EDC4: variants seen among roughly 807,000 people sequenced by gnomAD.
EDC4 encodes the protein enhancer of mRNA-decapping protein 4.
In EDC4, 64 loss-of-function variants were observed where a neutral mutation model predicts 155.8. The ratio of observed to expected loss-of-function variants is 0.41; its 90% CI spans 0.34 to 0.51. The LOEUF (loss-of-function observed/expected upper bound fraction) is 0.51, where lower values mean the gene tolerates loss of function less well. EDC4 is among the 20% of genes least tolerant of loss of function. EDC4 has a pLI of 0.19. For synonymous variants in EDC4, 684 were observed against 716.8 expected, an observed-to-expected ratio of 0.95 and a Z score of 0.73; for missense variants, 1,303 against 1,812.5, an observed-to-expected ratio of 0.72 and a Z score of 5.10.
chr16:67,876,159 G>A lies in EDC4; in HGVS notation c.239+58G>A. Reference sequence around the variant, plus strand: ...GGTGTATTTGGGGTGTCTGCTAGCTGAAGGCATGAGATGGGGAGTGAGCGG... The same window carrying A: ...GGTGTATTTGGGGTGTCTGCTAGCTAAAGGCATGAGATGGGGAGTGAGCGG... On this transcript the variant is annotated intron_variant, in intron 2 of 28. Coordinates refer to ENST00000358933, the MANE Select transcript of EDC4 (RefSeq NM_014329.5). This position sits in a 1 kb window ranked among gnomAD's most constrained non-coding sequence, Gnocchi z 5.8. The A allele has an allele frequency of 6.4e-7, 1 of 1,557,490 alleles. No individual in the cohort carries two copies. The highest frequency in any genetic ancestry group is 8.8e-7 in the Non-Finnish European group (1 of 1,134,104).
At position 67,883,755 on chromosome 16, in the gene EDC4, G is replaced by T; in HGVS notation, c.4013+24G>T. On this transcript the variant is annotated intron_variant, in intron 28 of 28. Coordinates refer to ENST00000358933, the MANE Select transcript of EDC4 (RefSeq NM_014329.5). This position sits in a 1 kb window ranked among gnomAD's most constrained non-coding sequence, Gnocchi z 5.3. ...AGGTAAGTGGGGACAGCCAGGGATG[G>T]GGAGATGAGCTGGGGAGTGGGGCAG... 1 of 1,612,684 alleles carries T rather than the reference G, an allele frequency of 6.2e-7. No homozygotes were observed. Among genetic ancestry groups the T allele is most frequent in the Non-Finnish European group, 8.5e-7 (1 of 1,179,130 alleles).
At position 67,883,160 on chromosome 16, in the gene EDC4, A is replaced by C. The variant is rs2058077661; in HGVS notation, c.3832A>C (p.Asn1278His). ...GCAGCTGCTGCAGCAGGGCCACCTCAATCAGGCCTTCCAGCAGGTACGATA... is the reference window on the plus strand; with the variant it reads ...GCAGCTGCTGCAGCAGGGCCACCTCCATCAGGCCTTCCAGCAGGTACGATA... ...ILQLLQQGHLNQAFQQALTAA... is the reference protein window; with the variant it reads ...ILQLLQQGHLHQAFQQALTAA... The change falls in exon 27 of 29, where the codon AAT (asparagine) becomes CAT (histidine). Residue 1278 changes from asparagine (N) to histidine (H), a missense_variant. Around this residue, in one of 5 missense-constraint regions of EDC4, gnomAD observed 527 missense variants for 757.0 expected, o/e 0.70. Transcript: ENST00000358933. This position sits in a 1 kb window ranked among gnomAD's most constrained non-coding sequence, Gnocchi z 5.3. 1 of 1,588,124 alleles carries C rather than the reference A, an allele frequency of 6.3e-7. No individual in the cohort carries two copies.
Position 67,880,174 on chromosome 16 carries a change from C to A in EDC4, c.2055C>A (p.Leu685=). The part of the protein sequence containing the change: ...ASPRGLLPGL[L]PAPADKLTPK... ...CGCGTGGCCTCCTGCCTGGCCTGCT[C>A]CCAGCCCCAGCTGACAAACTGACTC... is the stretch of plus-strand genomic sequence containing the variant. Residue 685 remains leucine (L), a synonymous_variant, in exon 17 of 29, where the codon CTC becomes CTA. Coordinates refer to ENST00000358933, the MANE Select transcript of EDC4 (RefSeq NM_014329.5). The surrounding 1 kb of genome is among the most constrained non-coding windows in gnomAD (Gnocchi z 5.2). The A allele has an allele frequency of 6.2e-7, 1 of 1,611,768 alleles. No individual in the cohort carries two copies. The highest frequency in any genetic ancestry group is 8.5e-7 in the Non-Finnish European group (1 of 1,179,286).
Position 67,880,025 on chromosome 16 carries a change from A to C in EDC4, c.1944-38A>C, listed in dbSNP as rs2058059092. 3.1e-6 allele frequency: 5 copies of C among 1,588,334 alleles called. 1 individual carries two copies. In the East Asian group the frequency reaches 1.1e-4, roughly 36 times the overall value. On this transcript the variant is annotated intron_variant, in intron 16 of 28. Coordinates refer to ENST00000358933, the MANE Select transcript of EDC4 (RefSeq NM_014329.5). The surrounding 1 kb of genome is among the most constrained non-coding windows in gnomAD (Gnocchi z 5.2). ...GCAGGGGCTGGTACCAGATGATGCC[A>C]AGCTCTGGCTGCTGACACCTCAGCC... is the stretch of plus-strand genomic sequence containing the variant.
At position 67,873,270 on chromosome 16, in the gene EDC4, C is replaced by T; in HGVS notation, c.9C>T (p.Ser3=). The change falls in exon 1 of 29, where the codon TCC becomes TCT. Residue 3 remains serine (S), a synonymous_variant. Coordinates refer to ENST00000358933, the MANE Select transcript of EDC4 (RefSeq NM_014329.5). The stretch of plus-strand genomic sequence containing the variant: ...CGCCCGCCGCAGGGCCCATGGCCTC[C>T]TGCGCGAGCATCGACATCGAGGACG... MA[S]CASIDIEDAT... The T allele has an allele frequency of 6.8e-7, 1 of 1,468,464 alleles. No homozygotes were observed. The highest frequency in any genetic ancestry group is 9.0e-7 in the Non-Finnish European group (1 of 1,114,402). The allele number at this position is 1,468,464 out of a possible 1,614,324, so 91.0% of individuals were successfully genotyped here. A position where few individuals can be genotyped will look rare whatever the true frequency, so the allele number is the denominator to read the frequency against.
chr16:67,879,957 C>T lies in EDC4; in HGVS notation c.1929C>T (p.Asp643=). The change falls in exon 16 of 29, where the codon GAC becomes GAT. Residue 643 remains aspartate (D), a synonymous_variant. Transcript: ENST00000358933. The surrounding 1 kb of genome is among the most constrained non-coding windows in gnomAD (Gnocchi z 6.0). ...VSAMSSTSAV[D]PSLTRPPEEL... is the part of the protein sequence containing the mutation. Reference sequence around the variant, plus strand: ...CCATGAGCAGCACCTCAGCTGTGGACCCCTCCTTGACCAGGTGAGGCAAGG... The same window carrying T: ...CCATGAGCAGCACCTCAGCTGTGGATCCCTCCTTGACCAGGTGAGGCAAGG... The T allele has an allele frequency of 6.2e-7, 1 of 1,610,554 alleles. No individual in the cohort carries two copies. The highest frequency in any genetic ancestry group is 8.5e-7 in the Non-Finnish European group (1 of 1,177,606).
chr16:67,883,842 C>A lies in EDC4; in HGVS notation c.4013+111C>A. ...CCTGAATCCTCTCCCTAATTTTCTC[C>A]ACCAGTCCTTTCTGCCTTCACCCAG... On this transcript the variant is annotated intron_variant, in intron 28 of 28. Coordinates refer to ENST00000358933, the MANE Select transcript of EDC4 (RefSeq NM_014329.5). The surrounding 1 kb of genome is among the most constrained non-coding windows in gnomAD (Gnocchi z 5.3). 6.5e-7 allele frequency: 1 copy of A among 1,540,774 alleles called. No homozygotes were observed. Among genetic ancestry groups the A allele is most frequent in the Non-Finnish European group, 8.8e-7 (1 of 1,135,552 alleles).
At position 67,880,100 on chromosome 16, in the gene EDC4, C is replaced by G. The variant is rs755670559; in HGVS notation, c.1981C>G (p.Leu661Val). 26 of 1,611,662 alleles carry G rather than the reference C, an allele frequency of 1.6e-5. No individual in the cohort carries two copies. Among genetic ancestry groups the G allele is most frequent in the Non-Finnish European group, 1.9e-5 (22 of 1,178,710 alleles). Residue 661 changes from leucine to valine, a missense_variant, in exon 17 of 29, where the codon CTG becomes GTG. Leu to Val is a conservative substitution (Grantham distance 32). Around this residue, in one of 5 missense-constraint regions of EDC4, gnomAD observed 391 missense variants for 445.4 expected, o/e 0.88. Transcript: ENST00000358933. This position sits in a 1 kb window ranked among gnomAD's most constrained non-coding sequence, Gnocchi z 5.2. ...EELTLSPKLQ[L>V]DGSLTMSSSG... The stretch of plus-strand genomic sequence containing the variant: ...GCTGACCTTGAGCCCCAAGCTGCAG[C>G]TGGATGGCAGCCTGACAATGAGCAG...
In EDC4 at chr16:67,882,479, G is replaced by A. The variant is rs762846743; in HGVS notation, c.3327G>A (p.Pro1109=). Residue 1109 remains proline (P), a synonymous_variant, in exon 25 of 29, where the codon CCG becomes CCA. Coordinates refer to ENST00000358933, the MANE Select transcript of EDC4 (RefSeq NM_014329.5). This position sits in a 1 kb window ranked among gnomAD's most constrained non-coding sequence, Gnocchi z 7.2. ...CAGCTGCAGACACATTACAAGGGCC[G>A]ATGCAGGCTGCCTACCGGGAAGCCT... ...ARAAADTLQG[P]MQAAYREAFQ... The A allele has an allele frequency of 5.6e-6, 9 of 1,614,220 alleles. No individual in the cohort carries two copies. The East Asian group carries it at 8.9e-5, about 16-fold the overall frequency.
Position 67,876,656 on chromosome 16 carries a change from A to G in EDC4, c.351+57A>G. 1.3e-6 allele frequency: 2 copies of G among 1,599,392 alleles called. No homozygotes were observed. ...GTACGGGGGCACACCCAGCCTTTCC[A>G]GTCTCCCTCATGCTGCCAGTTCCTA... is the stretch of plus-strand genomic sequence containing the variant. On this transcript the variant is annotated intron_variant, in intron 3 of 28. Transcript: ENST00000358933. The surrounding 1 kb of genome is among the most constrained non-coding windows in gnomAD (Gnocchi z 5.8).
Position 67,880,270 on chromosome 16 carries a change from G to C in EDC4, c.2097+54G>C. 6.5e-7 allele frequency: 1 copy of C among 1,542,568 alleles called. No homozygotes were observed. On this transcript the variant is annotated intron_variant, in intron 17 of 28. Coordinates refer to ENST00000358933, the MANE Select transcript of EDC4 (RefSeq NM_014329.5). This position sits in a 1 kb window ranked among gnomAD's most constrained non-coding sequence, Gnocchi z 5.2. ...TGGGGAGCAGGTGGGCAGCAGCAGGGAAGGTGGGTGGTGGGCTCCTCCCAG... is the reference window on the plus strand; with the variant it reads ...TGGGGAGCAGGTGGGCAGCAGCAGGCAAGGTGGGTGGTGGGCTCCTCCCAG...
Position 67,883,482 on chromosome 16 carries a change from C to A in EDC4, c.3850-86C>A. ...AGCTCTCACTAGCCCACCCTGTGGT[C>A]ATCCTCCCCCAGGCCACACAGTTCA... is the stretch of plus-strand genomic sequence containing the variant. On this transcript the variant is annotated intron_variant, in intron 27 of 28. Coordinates refer to ENST00000358933, the MANE Select transcript of EDC4 (RefSeq NM_014329.5). The surrounding 1 kb of genome is among the most constrained non-coding windows in gnomAD (Gnocchi z 5.3). 6.4e-7 allele frequency: 1 copy of A among 1,558,128 alleles called. No homozygotes were observed. Among genetic ancestry groups the A allele is most frequent in the Non-Finnish European group, 8.7e-7 (1 of 1,150,488 alleles).
At position 67,882,566 on chromosome 16, in the gene EDC4, T is replaced by C. The variant is rs2058073476; in HGVS notation, c.3414T>C (p.Asn1138=). Reference sequence around the variant, plus strand: ...GCCAGGCCATGTTCCAGCAAATCAATGATAGCTTCCGGCTGGGGACACAGG... The same window carrying C: ...GCCAGGCCATGTTCCAGCAAATCAACGATAGCTTCCGGCTGGGGACACAGG... ...KSCQAMFQQI[N]DSFRLGTQEY... The change falls in exon 25 of 29, where the codon AAT becomes AAC. Residue 1138 remains asparagine (N), a synonymous_variant. Transcript: ENST00000358933. The surrounding 1 kb of genome is among the most constrained non-coding windows in gnomAD (Gnocchi z 7.2). 1 of 1,614,186 alleles carries C rather than the reference T, an allele frequency of 6.2e-7. No homozygotes were observed. Among genetic ancestry groups the C allele is most frequent in the Non-Finnish European group, 8.5e-7 (1 of 1,180,026 alleles).
chr16:67,882,524 G>A lies in EDC4; in HGVS notation c.3372G>A (p.Pro1124=), dbSNP rs759987311. The A allele has an allele frequency of 7.4e-6, 12 of 1,614,098 alleles. No individual in the cohort carries two copies. The highest frequency in any genetic ancestry group is 6.7e-5 in the Admixed American group (4 of 60,014). ...YREAFQSVVL[P]AFEKSCQAMF... is the part of the protein sequence containing the mutation. ...AAGCCTTCCAGAGTGTGGTGCTGCC[G>A]GCCTTTGAGAAGAGCTGCCAGGCCA... Residue 1124 remains proline, a synonymous_variant, in exon 25 of 29, where the codon CCG becomes CCA. Transcript: ENST00000358933. This position sits in a 1 kb window ranked among gnomAD's most constrained non-coding sequence, Gnocchi z 7.2.
In EDC4 at chr16:67,881,259, CCA is replaced by C. The variant is rs758539361; in HGVS notation, c.2637-3_2637-2del. 4 of 1,614,032 alleles carry C rather than the reference CCA, an allele frequency of 2.5e-6. No homozygotes were observed. The Admixed American group carries it at 6.7e-5, about 27-fold the overall frequency. ...AGGGGCTTACTCCTCCTTCCCCTTC[CCA>C]CAGTGACCATGATGATGAGGTGGCC... On this transcript the variant is annotated splice_polypyrimidine_tract_variant and splice_region_variant and intron_variant, in intron 19 of 28. Coordinates refer to ENST00000358933, the MANE Select transcript of EDC4 (RefSeq NM_014329.5). The surrounding 1 kb of genome is among the most constrained non-coding windows in gnomAD (Gnocchi z 5.4).
chr16:67,877,271 G>A lies in EDC4; in HGVS notation c.506G>A (p.Arg169Gln). Residue 169 changes from arginine (R) to glutamine (Q), a missense_variant, in exon 5 of 29, where the codon CGG becomes CAG. Transcript: ENST00000358933. The surrounding 1 kb of genome is among the most constrained non-coding windows in gnomAD (Gnocchi z 4.9). ...GTGATCAGCGTCAGCACTTCGGAGC[G>A]GACCTTGCTCAAGGGCTTCACAGGC... ...VRVISVSTSE[R>Q]TLLKGFTGSV... 5.6e-6 allele frequency: 9 copies of A among 1,614,180 alleles called. No homozygotes were observed. Among genetic ancestry groups the A allele is most frequent in the East Asian group, 2.2e-5 (1 of 44,884 alleles).
chr16:67,882,317 T>C lies in EDC4; in HGVS notation c.3266T>C (p.Leu1089Pro). 1 of 1,613,606 alleles carries C rather than the reference T, an allele frequency of 6.2e-7. No individual in the cohort carries two copies. The highest frequency in any genetic ancestry group is 8.5e-7 in the Non-Finnish European group (1 of 1,179,752). The change falls in exon 24 of 29, where the codon CTC (leucine) becomes CCC (proline). Residue 1089 changes from leucine (L) to proline (P), a missense_variant. Around this residue, in one of 5 missense-constraint regions of EDC4, gnomAD observed 527 missense variants for 757.0 expected, o/e 0.70. Coordinates refer to ENST00000358933, the MANE Select transcript of EDC4 (RefSeq NM_014329.5). The surrounding 1 kb of genome is among the most constrained non-coding windows in gnomAD (Gnocchi z 7.2). ...ATGAAAGAGAACATCTCCAAGCTGC[T>C]CAAGTCCAAGGTGCTATAGGGCCCA... ...GSMKENISKL[L>P]KSKNLTDAIA...
chr16:67,884,346 T>C lies in EDC4; in HGVS notation c.*198T>C, dbSNP rs902606375. The C allele has an allele frequency of 3.5e-6, 2 of 575,330 alleles. No homozygotes were observed. The highest frequency in any genetic ancestry group is 3.0e-6 in the Non-Finnish European group (1 of 331,772). 35.6% of individuals were successfully genotyped at this position (575,330 alleles called of 1,614,324 possible). A position where few individuals can be genotyped will look rare whatever the true frequency, so the allele number is the denominator to read the frequency against. The stretch of plus-strand genomic sequence containing the variant: ...GGTTTAGCTGGGCCCAGGGCAGGTA[T>C]TGCGCCTGCTTGGGTTCTGCCATGC... On this transcript the variant is annotated 3_prime_UTR_variant, in exon 29 of 29. Coordinates refer to ENST00000358933, the MANE Select transcript of EDC4 (RefSeq NM_014329.5). The surrounding 1 kb of genome is among the most constrained non-coding windows in gnomAD (Gnocchi z 4.1).
chr16:67,878,306 C>A lies in EDC4; in HGVS notation c.1004+31C>A. ...GCAGGGCCTCAGGGACCAGGATCCT[C>A]CCGAGGTAGCCCACCCGACCACTCA... is the stretch of plus-strand genomic sequence containing the variant. On this transcript the variant is annotated intron_variant, in intron 8 of 28. Coordinates refer to ENST00000358933, the MANE Select transcript of EDC4 (RefSeq NM_014329.5). This position sits in a 1 kb window ranked among gnomAD's most constrained non-coding sequence, Gnocchi z 5.2. 9.3e-6 allele frequency: 15 copies of A among 1,614,196 alleles called. No individual in the cohort carries two copies. In the African/African-American group the frequency reaches 9.3e-5, roughly 10 times the overall value.
Sources: allele counts gnomAD v4.1 joint callset, GRCh38; gene constraint gnomAD v4.1.1; regional missense constraint gnomAD v4.1.1; non-coding constraint Gnocchi (gnomAD v3.1); transcripts MANE v1.5; gene names NCBI Gene and HGNC (gene_info 2026-07-23, HGNC 2026-07-21).